The following CHRM4 variants were observed in gnomAD, a reference collection of about 807,000 sequenced individuals.
CHRM4 encodes muscarinic acetylcholine receptor M4.
Under a neutral mutation model 26.3 loss-of-function variants are expected in CHRM4, and 5 were observed. The observed-to-expected ratio is 0.19, with a 90% CI of 0.10 to 0.40. The LOEUF is 0.40. Among genes scored for constraint, CHRM4 ranks in the 10% least tolerant of loss-of-function variants. The probability of loss-of-function intolerance (pLI) is 1.00; values close to 1 mark genes in which losing one functional copy is unlikely to be tolerated. For missense variants in CHRM4, 402 were observed against 664.5 expected (o/e 0.60, Z 4.34); for synonymous variants, 290 against 285.3 (o/e 1.02, Z -0.16).
Position 46,384,382 on chromosome 11 carries a change from C to T in CHRM4, c.*736G>A, listed in dbSNP as rs995591808. Among the ~76,000 whole-genome samples, 4 of 152,222 alleles carry T rather than the reference C, an allele frequency of 2.6e-5. No homozygotes were observed. The highest frequency in any genetic ancestry group is 6.5e-5 in the Admixed American group (1 of 15,290). Reference sequence around the variant, plus strand: ...GCCTCACCCTGACTCGATGTGTGACCTGGGACAGCCTTCTAAGGCCGGGGC... The same window carrying T: ...GCCTCACCCTGACTCGATGTGTGACTTGGGACAGCCTTCTAAGGCCGGGGC... On this transcript the variant is annotated 3_prime_UTR_variant, in exon 2 of 2. Coordinates refer to ENST00000682254, the MANE Select transcript of CHRM4 (RefSeq NM_000741.5).
In CHRM4 at chr11:46,391,555, G is replaced by C. The variant is rs1945393202; in HGVS notation, c.-54C>G. 6.6e-6 allele frequency among the ~76,000 whole-genome samples: 1 copy of C among 151,898 alleles called. No individual in the cohort carries two copies. Among genetic ancestry groups the C allele is most frequent in the South Asian group, 2.1e-4 (1 of 4,820 alleles). On this transcript the variant is annotated 5_prime_UTR_variant, in exon 1 of 2. Coordinates refer to ENST00000682254, the MANE Select transcript of CHRM4 (RefSeq NM_000741.5). This position sits in a 1 kb window ranked among gnomAD's most constrained non-coding sequence, Gnocchi z 6.3. Reference sequence around the variant, plus strand: ...CCTCTGGGGAGCCTCAGAGCGTCCCGGGGACCTGCTTCCTGCTCTTCCCGG... The same window carrying C: ...CCTCTGGGGAGCCTCAGAGCGTCCCCGGGACCTGCTTCCTGCTCTTCCCGG...
In CHRM4 at chr11:46,385,252, A is replaced by G; in HGVS notation, c.1306T>C (p.Ser436Pro). ...CQSCIPDTVW[S>P]IGYWLCYVNS... ...ACGTAGCAGAGCCAGTAGCCAATGG[A>G]CCACACCGTGTCAGGGATGCAGCTC... Residue 436 changes from serine to proline, a missense_variant, in exon 2 of 2, where the codon TCC (serine) becomes CCC (proline). Transcript: ENST00000682254. The surrounding 1 kb of genome is among the most constrained non-coding windows in gnomAD (Gnocchi z 6.3). 1 of 1,614,066 alleles carries G rather than the reference A, an allele frequency of 6.2e-7. No individual in the cohort carries two copies. Among genetic ancestry groups the G allele is most frequent in the Non-Finnish European group, 8.5e-7 (1 of 1,179,978 alleles).
intron 1 of CHRM4, among the ~76,000 whole-genome samples, chr11:46,388,768 A>ACCC (rs995282512): frequency 4.1e-4 from 62 of 152,264 alleles, no homozygotes; most frequent in African/African-American, 1.5e-3. Context: ...CCAATCACTC[A>ACCC]CGTGGAGGAG....
intron 1 of CHRM4, among the ~76,000 whole-genome samples, chr11:46,389,667 G>A (rs1945374247): frequency 6.6e-6 from 1 of 152,234 alleles, no homozygotes. Context: ...ACCCAGAGGA[G>A]CCCTCAGGCA....
In CHRM4 at chr11:46,385,358, T is replaced by A. The variant is rs1463553078; in HGVS notation, c.1200A>T (p.Arg400=). The change falls in exon 2 of 2, where the codon CGA becomes CGT. Residue 400 remains arginine, a synonymous_variant. Coordinates refer to ENST00000682254, the MANE Select transcript of CHRM4 (RefSeq NM_000741.5). The surrounding 1 kb of genome is among the most constrained non-coding windows in gnomAD (Gnocchi z 6.3). The part of the protein sequence containing the change: ...QMAARERKVT[R]TIFAILLAFI... ...AGGCTAGCAGAATGGCAAAGATCGT[T>A]CGTGTCACTTTGCGCTCCCGGGCCG... 2 of 1,609,950 alleles carry A rather than the reference T, an allele frequency of 1.2e-6. No homozygotes were observed. The highest frequency in any genetic ancestry group is 8.5e-7 in the Non-Finnish European group (1 of 1,176,544).
rs751439550 is a variant in CHRM4, at chr11:46,385,132, C to T, written c.1426G>A (p.Gly476Ser). ...HLLLCQYRNI[G>S]TAR Reference sequence around the variant, plus strand: ...CTCCTGCCTGCCTACCTGGCAGTGCCGATGTTCCGATACTGGCACAGCAGC... The same window carrying T: ...CTCCTGCCTGCCTACCTGGCAGTGCTGATGTTCCGATACTGGCACAGCAGC... Residue 476 changes from glycine to serine, a missense_variant, in exon 2 of 2, where the codon GGC becomes AGC. Physicochemically the swap from Gly to Ser is moderately conservative, Grantham distance 56. This residue lies in a region of CHRM4 where 55 missense variants were observed against 126.4 expected (regional missense o/e 0.44). Coordinates refer to ENST00000682254, the MANE Select transcript of CHRM4 (RefSeq NM_000741.5). The surrounding 1 kb of genome is among the most constrained non-coding windows in gnomAD (Gnocchi z 6.3). The T allele has an allele frequency of 1.1e-5, 18 of 1,608,456 alleles. No homozygotes were observed. Among genetic ancestry groups the T allele is most frequent in the Admixed American group, 1.7e-5 (1 of 59,912 alleles).
chr11:46,384,204 A>G lies in CHRM4; in HGVS notation c.*914T>C, dbSNP rs181952260. On this transcript the variant is annotated 3_prime_UTR_variant, in exon 2 of 2. Coordinates refer to ENST00000682254, the MANE Select transcript of CHRM4 (RefSeq NM_000741.5). ...GATGCGAGGGCTGCGTGCCTACCTC[A>G]CTGCCCACCTCCCCCCTTCCCACTG... Among the ~76,000 whole-genome samples the G allele has an allele frequency of 6.6e-6, 1 of 152,260 alleles. No individual in the cohort carries two copies. The highest frequency in any genetic ancestry group is 1.5e-5 in the Non-Finnish European group (1 of 68,012).
rs533285334 is a variant in CHRM4 at position 46,383,804 on chromosome 11, A to C, written c.*1314T>G. On this transcript the variant is annotated 3_prime_UTR_variant, in exon 2 of 2. Coordinates refer to ENST00000682254, the MANE Select transcript of CHRM4 (RefSeq NM_000741.5). ...ATAAACTGACTTTTTCCCCCCAATAAAAGCTCTTCTTTTTTAATATATAAA... is the reference window on the plus strand; with the variant it reads ...ATAAACTGACTTTTTCCCCCCAATACAAGCTCTTCTTTTTTAATATATAAA... 2 of 450,850 alleles carry C rather than the reference A, an allele frequency of 4.4e-6. No individual in the cohort carries two copies. The highest frequency in any genetic ancestry group is 8.3e-6 in the Non-Finnish European group (2 of 239,790). 27.9% of individuals were successfully genotyped at this position (450,850 alleles called of 1,614,324 possible). A position where few individuals can be genotyped will look rare whatever the true frequency, so the allele number is the denominator to read the frequency against.
chr11:46,385,730 G>A lies in CHRM4; in HGVS notation c.828C>T (p.Pro276=), dbSNP rs537122117. The change falls in exon 2 of 2, where the codon CCC becomes CCT. Residue 276 remains proline (P), a synonymous_variant. Coordinates refer to ENST00000682254, the MANE Select transcript of CHRM4 (RefSeq NM_000741.5). The surrounding 1 kb of genome is among the most constrained non-coding windows in gnomAD (Gnocchi z 6.3). The stretch of plus-strand genomic sequence containing the variant: ...GCGGTGGCGGTGGCAGCGCTGGCGG[G>A]GGGGCCTCCTCCAGCTTGCCATTGC... ...ELRNGKLEEA[P]PPALPPPPRP... 23 of 1,581,642 alleles carry A rather than the reference G, an allele frequency of 1.5e-5. No individual in the cohort carries two copies. The highest frequency in any genetic ancestry group is 3.4e-4 in the Middle Eastern group (2 of 5,900).
chr11:46,387,878 C>T (rs993948426), intron 1 of CHRM4, among the ~76,000 whole-genome samples: 4 of 152,162 alleles, frequency 2.6e-5, no homozygotes, highest in Non-Finnish European at 5.9e-5. Flanking sequence ...ACTGGGGACC[C>T]GTGAGGTGAA....
rs1322742897 is a variant in CHRM4, at chr11:46,391,365, T to C, written c.-30+166A>G. 1.3e-5 allele frequency among the ~76,000 whole-genome samples: 2 copies of C among 150,036 alleles called. No homozygotes were observed. The highest frequency in any genetic ancestry group is 3.0e-5 in the Non-Finnish European group (2 of 67,518). ...GGCGGGCAATCCCCCGCCCCCGACA[T>C]CCTGGATGCCCACCCCTTCCCACGG... On this transcript the variant is annotated intron_variant, in intron 1 of 1. Transcript: ENST00000682254. The surrounding 1 kb of genome is among the most constrained non-coding windows in gnomAD (Gnocchi z 6.3).
At position 46,386,540 on chromosome 11, in the gene CHRM4, A is replaced by T; in HGVS notation, c.18T>A (p.Pro6=). The T allele has an allele frequency of 6.2e-7, 1 of 1,610,338 alleles. No individual in the cohort carries two copies. Among genetic ancestry groups the T allele is most frequent in the Non-Finnish European group, 8.5e-7 (1 of 1,177,238 alleles). The part of the protein sequence containing the change: MANFT[P]VNGSSGNQSV... ...ACTGATTGCCCGAGCTGCCATTGAC[A>T]GGTGTGAAGTTGGCCATGTTGGTTG... The change falls in exon 2 of 2, where the codon CCT becomes CCA. Residue 6 remains proline (P), a synonymous_variant. Coordinates refer to ENST00000682254, the MANE Select transcript of CHRM4 (RefSeq NM_000741.5). The surrounding 1 kb of genome is among the most constrained non-coding windows in gnomAD (Gnocchi z 5.8).
Position 46,385,076 on chromosome 11 carries a change from C to T in CHRM4, c.*42G>A, listed in dbSNP as rs986646249. On this transcript the variant is annotated 3_prime_UTR_variant, in exon 2 of 2. Coordinates refer to ENST00000682254, the MANE Select transcript of CHRM4 (RefSeq NM_000741.5). The surrounding 1 kb of genome is among the most constrained non-coding windows in gnomAD (Gnocchi z 6.3). ...AGTGAGCCGTGTGGTCCCCCCAGCA[C>T]ACGCACGCAACACCAGCACCTCCTA... 3.3e-6 allele frequency: 5 copies of T among 1,532,864 alleles called. No individual in the cohort carries two copies. In the African/African-American group the frequency reaches 6.8e-5, roughly 21 times the overall value. The allele number at this position is 1,532,864 out of a possible 1,614,324, so 95.0% of individuals were successfully genotyped here. A position where few individuals can be genotyped will look rare whatever the true frequency, so the allele number is the denominator to read the frequency against.
Position 46,385,564 on chromosome 11 carries a change from C to A in CHRM4, c.994G>T (p.Ala332Ser). 6.4e-7 allele frequency: 1 copy of A among 1,563,228 alleles called. No individual in the cohort carries two copies. The highest frequency in any genetic ancestry group is 1.3e-5 in the African/African-American group (1 of 74,128). ...GACCATCTGGAGGCTGGGTTGAGGG[C>A]CCGCGGCTGCAGGGGAGGGGCGGGC... ...AMPAPPLQPR[A>S]LNPASRWSKI... The change falls in exon 2 of 2, where the codon GCC becomes TCC. Residue 332 changes from alanine (A) to serine (S), a missense_variant. Physicochemically the swap from Ala to Ser is moderately conservative, Grantham distance 99 (BLOSUM62 1). This residue lies in a region of CHRM4 where 205 missense variants were observed against 244.0 expected (regional missense o/e 0.84). Coordinates refer to ENST00000682254, the MANE Select transcript of CHRM4 (RefSeq NM_000741.5). The surrounding 1 kb of genome is among the most constrained non-coding windows in gnomAD (Gnocchi z 6.3).
At position 46,385,648 on chromosome 11, in the gene CHRM4, T is replaced by C. The variant is rs567060019; in HGVS notation, c.910A>G (p.Asn304Asp). 1 of 1,533,650 alleles carries C rather than the reference T, an allele frequency of 6.5e-7. No homozygotes were observed. The highest frequency in any genetic ancestry group is 1.4e-5 in the African/African-American group (1 of 72,524). The change falls in exon 2 of 2, where the codon AAC (asparagine) becomes GAC (aspartate). Residue 304 changes from asparagine to aspartate, a missense_variant. Physicochemically the swap from Asn to Asp is conservative, Grantham distance 23. This residue lies in a region of CHRM4 where 205 missense variants were observed against 244.0 expected (regional missense o/e 0.84). Transcript: ENST00000682254. The surrounding 1 kb of genome is among the most constrained non-coding windows in gnomAD (Gnocchi z 6.3). ...NESSSGSATQ[N>D]TKERPATELS... The stretch of plus-strand genomic sequence containing the variant: ...TCTGTGGCTGGGCGTTCCTTGGTGT[T>C]CTGGGTGGCACTGCCTGAGCTGGAC...
At position 46,386,739 on chromosome 11, in the gene CHRM4, A is replaced by C. The variant is rs573082072; in HGVS notation, c.-29-153T>G. 13 of 738,156 alleles carry C rather than the reference A, an allele frequency of 1.8e-5. 1 individual carries two copies. In the East Asian group the frequency reaches 3.5e-4, roughly 20 times the overall value. The allele number at this position is 738,156 out of a possible 1,614,324, so 45.7% of individuals were successfully genotyped here. On this transcript the variant is annotated intron_variant, in intron 1 of 1. Transcript: ENST00000682254. This position sits in a 1 kb window ranked among gnomAD's most constrained non-coding sequence, Gnocchi z 5.8. ...CCATCCCGCATTTGCCCATTCATTC[A>C]ACATTAATTGAGCACCTACTATGTG...
Position 46,385,888 on chromosome 11 carries a change from T to G in CHRM4, c.670A>C (p.Ser224Arg). 1 of 1,611,056 alleles carries G rather than the reference T, an allele frequency of 6.2e-7. No individual in the cohort carries two copies. The highest frequency in any genetic ancestry group is 8.5e-7 in the Non-Finnish European group (1 of 1,178,966). Residue 224 changes from serine to arginine, a missense_variant, in exon 2 of 2, where the codon AGC becomes CGC. Around this residue, in one of 5 missense-constraint regions of CHRM4, gnomAD observed 205 missense variants for 244.0 expected, o/e 0.84. Coordinates refer to ENST00000682254, the MANE Select transcript of CHRM4 (RefSeq NM_000741.5). This position sits in a 1 kb window ranked among gnomAD's most constrained non-coding sequence, Gnocchi z 6.3. ...LYIHISLASR[S>R]RVHKHRPEGP... ...TCGGGCCGGTGCTTGTGGACTCGGCTGCGACTGGCCAGGGAGATGTGGATG... is the reference window on the plus strand; with the variant it reads ...TCGGGCCGGTGCTTGTGGACTCGGCGGCGACTGGCCAGGGAGATGTGGATG...
At position 46,386,753 on chromosome 11, in the gene CHRM4, AC is replaced by A; in HGVS notation, c.-29-168del. Reference sequence around the variant, plus strand: ...CCCATTCATTCAACATTAATTGAGCACCTACTATGTGGCAAGCATTGCTCAG... The same window carrying A: ...CCCATTCATTCAACATTAATTGAGCACTACTATGTGGCAAGCATTGCTCAG... On this transcript the variant is annotated intron_variant, in intron 1 of 1. Transcript: ENST00000682254. The surrounding 1 kb of genome is among the most constrained non-coding windows in gnomAD (Gnocchi z 5.8). 5.9e-6 allele frequency: 4 copies of A among 673,580 alleles called. No homozygotes were observed. The highest frequency in any genetic ancestry group is 9.9e-6 in the Non-Finnish European group (4 of 403,554). The allele number at this position is 673,580 out of a possible 1,614,324, so 41.7% of individuals were successfully genotyped here. A position where few individuals can be genotyped will look rare whatever the true frequency, so the allele number is the denominator to read the frequency against.
rs199582855 is a variant in CHRM4, at chr11:46,385,865, G to C, written c.693C>G (p.Pro231=). The C allele has an allele frequency of 8.7e-6, 14 of 1,607,810 alleles. No individual in the cohort carries two copies. The highest frequency in any genetic ancestry group is 6.8e-5 in the Admixed American group (4 of 59,018). ...ASRSRVHKHR[P]EGPKEKKAKT... ...TGGCTTTCTTCTCCTTCGGGCCCTCGGGCCGGTGCTTGTGGACTCGGCTGC... is the reference window on the plus strand; with the variant it reads ...TGGCTTTCTTCTCCTTCGGGCCCTCCGGCCGGTGCTTGTGGACTCGGCTGC... Residue 231 remains proline, a synonymous_variant, in exon 2 of 2, where the codon CCC becomes CCG. Coordinates refer to ENST00000682254, the MANE Select transcript of CHRM4 (RefSeq NM_000741.5). The surrounding 1 kb of genome is among the most constrained non-coding windows in gnomAD (Gnocchi z 6.3).
Sources: allele counts gnomAD v4.1 joint callset (sites outside exome capture counted in the v4.1 genomes callset), GRCh38; gene constraint gnomAD v4.1.1; regional missense constraint gnomAD v4.1.1; non-coding constraint Gnocchi (gnomAD v3.1); transcripts MANE v1.5; gene names NCBI Gene and HGNC (gene_info 2026-07-23, HGNC 2026-07-21).